The following TBC1D7 variants were observed in gnomAD, a reference collection of about 807,000 sequenced individuals.
The protein encoded by TBC1D7 is TBC1 domain family member 7, also known as TBC domain family 7.
Under a neutral mutation model 35.3 loss-of-function variants are expected in TBC1D7, and 33 were observed. The observed-to-expected ratio is 0.93, with a 90% CI of 0.71 to 1.25. TBC1D7 has a LOEUF of 1.25. TBC1D7 is among the 50% of genes most tolerant of loss of function. The pLI is 0.00. For synonymous variants in TBC1D7, 135 were observed against 129.5 expected (o/e 1.04, Z -0.29); for missense variants, 362 against 365.3 (o/e 0.99, Z 0.07).
At chr6:13,307,965 G>C (rs1030754784) in intron 5 of TBC1D7, among the ~76,000 whole-genome samples, 2 of 152,164 alleles carry the variant, frequency 1.3e-5, no homozygotes, top group Non-Finnish European at 2.9e-5. Context: ...AGGACACAGG[G>C]CTCTTTCAGT....
intron 3 of TBC1D7, among the ~76,000 whole-genome samples, chr6:13,324,342 A>C (rs747803793): frequency 2.0e-5 from 3 of 152,020 alleles, no homozygotes; most frequent in Non-Finnish European, 4.4e-5. Flanking sequence ...GTTGGCCAGG[A>C]TGGTCTCAAT....
At chr6:13,322,123 C>T (rs1784085266) in intron 3 of TBC1D7, among the ~76,000 whole-genome samples, 1 of 152,050 alleles carries the variant, frequency 6.6e-6, no homozygotes, top group East Asian at 1.9e-4. Context: ...TGCCTGTAGT[C>T]CCAGCTACCC....
chr6:13,313,489 T>C (rs1178783241), intron 5 of TBC1D7, among the ~76,000 whole-genome samples: 2 of 152,138 alleles, frequency 1.3e-5, no homozygotes, highest in Non-Finnish European at 2.9e-5. Context: ...ATGTCAAAAA[T>C]AAATGAATAG....
At chr6:13,322,558 G>A (rs1253283477) in intron 3 of TBC1D7, among the ~76,000 whole-genome samples, 1 of 152,182 alleles carries the variant, frequency 6.6e-6, no homozygotes. Context: ...CTGTATAAGT[G>A]TTAGCTAGTA....
In TBC1D7 at chr6:13,305,184, G is replaced by A. The variant is rs200141039; in HGVS notation, c.799C>T (p.Pro267Ser). The change falls in exon 8 of 8, where the codon CCC (proline) becomes TCC (serine). Residue 267 changes from proline to serine, a missense_variant. By Grantham distance (74) the Pro-to-Ser change is moderately conservative. Transcript: ENST00000379300. ...ACGATCGCGTCTGAGCTGTCCTGGG[G>A]AATCTGTGGGCAAGCAAATCAGTCT... ...EKITKFLENI[P>S]QDSSDAIVSK... 5.6e-5 allele frequency: 91 copies of A among 1,614,026 alleles called. No individual in the cohort carries two copies. Among genetic ancestry groups the A allele is most frequent in the Non-Finnish European group, 7.3e-5 (86 of 1,180,026 alleles).
At chr6:13,312,238 G>T (rs2439544) in intron 5 of TBC1D7, among the ~76,000 whole-genome samples, 1 of 151,804 alleles carries the variant, frequency 6.6e-6, no homozygotes, top group Non-Finnish European at 1.5e-5. Flanking sequence ...CCAACCAGAC[G>T]GGGAGAAGAG....
Position 13,321,087 on chromosome 6 carries a change from G to T in TBC1D7, c.202C>A (p.Pro68Thr). Residue 68 changes from proline to threonine, a missense_variant, in exon 4 of 8, where the codon CCT becomes ACT. By Grantham distance (38) the Pro-to-Thr change is conservative (BLOSUM62 -1). Coordinates refer to ENST00000379300, the MANE Select transcript of TBC1D7 (RefSeq NM_016495.6). ...TTGGCATGGGACTCGTGGTGTGGAG[G>T]CAAGATTCCTAGAGAGAACAGGAAA... ...LVWKVLLGILPPHHESHAKVM... is the reference protein window; with the variant it reads ...LVWKVLLGILTPHHESHAKVM... 2 of 1,612,268 alleles carry T rather than the reference G, an allele frequency of 1.2e-6. No homozygotes were observed. Among genetic ancestry groups the T allele is most frequent in the Non-Finnish European group, 1.7e-6 (2 of 1,178,802 alleles).
chr6:13,309,730 T>C (rs533887462), intron 5 of TBC1D7, among the ~76,000 whole-genome samples: 1 of 152,362 alleles, frequency 6.6e-6, no homozygotes, highest in East Asian at 1.9e-4. Flanking sequence ...CTCTTTCTTT[T>C]ATTAGTTGAA....
intron 3 of TBC1D7, 53 bp from the exon 4 acceptor site, chr6:13,321,148 A>G (rs888558525): frequency 6.7e-7 from 1 of 1,499,446 alleles, no homozygotes; most frequent in Non-Finnish European, 9.1e-7. Context: ...CCATCACTCC[A>G]AATCCCTCAT....
intron 5 of TBC1D7, among the ~76,000 whole-genome samples, chr6:13,310,490 T>C (rs1228191715): frequency 6.6e-6 from 1 of 151,184 alleles, no homozygotes; most frequent in Admixed American, 6.6e-5. Flanking sequence ...ATACAAAAAT[T>C]AGCTGGGCGT....
At chr6:13,307,409 C>T (rs1177090670) in intron 6 of TBC1D7, 191 bp downstream of exon 6, 7 of 583,760 alleles carry the variant, frequency 1.2e-5, no homozygotes, top group African/African-American at 1.1e-4. Flanking sequence ...GCACTGAGGG[C>T]CCTTAATTTT....
At chr6:13,324,328 C>G (rs1355034901) in intron 3 of TBC1D7, among the ~76,000 whole-genome samples, 1 of 152,042 alleles carries the variant, frequency 6.6e-6, no homozygotes, top group African/African-American at 2.4e-5. Flanking sequence ...GGGGTTTCAC[C>G]CTTGTTGGCC....
At chr6:13,305,772 A>G (rs1782766127) in intron 7 of TBC1D7, 1 of 166,510 alleles carries the variant, frequency 6.0e-6, no homozygotes, top group Non-Finnish European at 1.3e-5. Context: ...TAATTTCATT[A>G]CCATTGCCTT....
At chr6:13,320,317 T>G (rs560084929) in intron 4 of TBC1D7, 1 of 164,330 alleles carries the variant, frequency 6.1e-6, no homozygotes, top group Non-Finnish European at 1.3e-5. Context: ...ATTACGTTAA[T>G]ATTGTATCAA....
At chr6:13,316,855 C>T (rs1428901075) in intron 4 of TBC1D7, 147 bp from the exon 5 acceptor site, 25 of 922,856 alleles carry the variant, frequency 2.7e-5, no homozygotes, top group Admixed American at 5.2e-5. Context: ...AGAGTCCCTC[C>T]CTGAAGAGGG....
At chr6:13,320,721 A>G (rs1240029667) in intron 4 of TBC1D7, 187 bp downstream of exon 4, 1 of 694,020 alleles carries the variant, frequency 1.4e-6, no homozygotes, top group Non-Finnish European at 2.6e-6. Flanking sequence ...TTTTAAAAAA[A>G]CAAAAAGTAA....
chr6:13,309,062 C>T (rs964290022), intron 5 of TBC1D7, among the ~76,000 whole-genome samples: 5 of 152,208 alleles, frequency 3.3e-5, no homozygotes, highest in Non-Finnish European at 7.3e-5. Flanking sequence ...CTTTCTGTTT[C>T]AGGATATCTC....
Position 13,305,189 on chromosome 6 carries a change from T to C in TBC1D7, c.796-2A>G. The C allele has an allele frequency of 1.2e-6, 2 of 1,614,176 alleles. No homozygotes were observed. The highest frequency in any genetic ancestry group is 1.7e-6 in the Non-Finnish European group (2 of 1,180,002). On this transcript the variant is annotated splice_acceptor_variant, in intron 7 of 7. Coordinates refer to ENST00000379300, the MANE Select transcript of TBC1D7 (RefSeq NM_016495.6). LOFTEE classifies it high-confidence loss of function. ...CGCGTCTGAGCTGTCCTGGGGAATC[T>C]GTGGGCAAGCAAATCAGTCTTTGTG...
chr6:13,309,064 G>T (rs753330601), intron 5 of TBC1D7, among the ~76,000 whole-genome samples: 2 of 152,176 alleles, frequency 1.3e-5, no homozygotes, highest in Non-Finnish European at 2.9e-5. Flanking sequence ...TTCTGTTTCA[G>T]GATATCTCTT....
Sources: gnomAD v4.1 joint callset for allele counts (sites outside exome capture counted in the v4.1 genomes callset) on GRCh38, gnomAD v4.1.1 for gene constraint, MANE v1.5 for transcripts, NCBI Gene and HGNC (gene_info 2026-07-23, HGNC 2026-07-21) for gene names.